SHC4: variants seen among roughly 807,000 people sequenced by gnomAD.
The protein encoded by SHC4 is SHC-transforming protein 4.
Under a neutral mutation model 69.4 loss-of-function variants are expected in SHC4, and 41 were observed. That is an observed-to-expected ratio of 0.59 (90% CI 0.46 to 0.77). The LOEUF (loss-of-function observed/expected upper bound fraction) is 0.77, where lower values mean the gene tolerates loss of function less well. Among genes scored for constraint, SHC4 ranks in the 30% least tolerant of loss-of-function variants. SHC4 has a pLI of 0.00. For missense variants in SHC4, 777 were observed against 783.8 expected (o/e 0.99, Z 0.10); for synonymous variants, 318 against 299.3 (o/e 1.06, Z -0.64).
chr15:48,957,961 A>G (rs1399534519), intron 1 of SHC4, among the ~76,000 whole-genome samples: 1 of 152,240 alleles, frequency 6.6e-6, no homozygotes, highest in Non-Finnish European at 1.5e-5. Flanking sequence ...AACTGCCAAA[A>G]GCTAGAAGAG....
intron 2 of SHC4, among the ~76,000 whole-genome samples, chr15:48,897,784 C>CACACACACACACACACACAT (rs369256772): frequency 6.6e-6 from 1 of 151,814 alleles, no homozygotes; most frequent in Non-Finnish European, 1.5e-5. Context: ...CACACACACA[C>CACACACACACACACACACAT]ATCTATAGTC....
chr15:48,885,891 C>T (rs1015472779), intron 3 of SHC4, among the ~76,000 whole-genome samples: 1 of 152,160 alleles, frequency 6.6e-6, no homozygotes, highest in Admixed American at 6.5e-5. Flanking sequence ...ATTTTGTGTT[C>T]CCACAGTGAT....
At chr15:48,956,101 A>G (rs972210213) in intron 1 of SHC4, among the ~76,000 whole-genome samples, 3 of 152,210 alleles carry the variant, frequency 2.0e-5, no homozygotes, top group African/African-American at 4.8e-5. Flanking sequence ...TCTAAGTTCC[A>G]GCAGAATCTA....
Position 48,890,778 on chromosome 15 carries a change from G to A in SHC4, c.690C>T (p.Pro230=), listed in dbSNP as rs767392783. 43 of 1,614,024 alleles carry A rather than the reference G, an allele frequency of 2.7e-5. No homozygotes were observed. The highest frequency in any genetic ancestry group is 3.6e-5 in the Non-Finnish European group (42 of 1,179,962). ...EAISRLCEAV[P]GANGAIKKRK... ...GCTTTTTAATGGCTCCATTTGCCCC[G>A]GGGACAGCTTCACACAGGCGACTTA... The change falls in exon 3 of 12, where the codon CCC becomes CCT. Residue 230 remains proline (P), a synonymous_variant. Transcript: ENST00000332408.
intron 10 of SHC4, among the ~76,000 whole-genome samples, chr15:48,838,562 TGAGA>T (rs1304266040): frequency 3.3e-5 from 5 of 152,110 alleles, no homozygotes; most frequent in Non-Finnish European, 2.9e-5. Flanking sequence ...TAAGCATAAA[TGAGA>T]GAGAGGTTCA....
intron 2 of SHC4, among the ~76,000 whole-genome samples, chr15:48,916,671 G>A (rs540504017): frequency 6.6e-6 from 1 of 152,048 alleles, no homozygotes; most frequent in South Asian, 2.1e-4. Flanking sequence ...CCGAAGCCAG[G>A]ACCTCAAAAC....
At chr15:48,876,511 A>G (rs1356201538) in intron 4 of SHC4, 1 of 582,918 alleles carries the variant, frequency 1.7e-6, no homozygotes, top group Non-Finnish European at 3.1e-6. Context: ...ATATATGTAT[A>G]TATATGTAAA....
intron 2 of SHC4, among the ~76,000 whole-genome samples, chr15:48,895,553 GCCCTTC>G (rs1444466387): frequency 2.0e-5 from 3 of 152,078 alleles, no homozygotes; most frequent in African/African-American, 7.2e-5. Context: ...GGATGCCCCT[GCCCTTC>G]CCCAGCCCTC....
At position 48,924,767 on chromosome 15, in the gene SHC4, C is replaced by T. The variant is rs755075320; in HGVS notation, c.656+112G>A. 5.5e-5 allele frequency: 61 copies of T among 1,108,024 alleles called. 1 individual carries two copies. The highest frequency in any genetic ancestry group is 5.1e-4 in the South Asian group (39 of 76,716). 68.6% of individuals were successfully genotyped at this position (1,108,024 alleles called of 1,614,324 possible). ...GGGCGAGCCTTCTACACTCCAGTCG[C>T]GTGAATAAAAGTGCATAATGAATTG... On this transcript the variant is annotated intron_variant, in intron 2 of 11. Transcript: ENST00000332408.
intron 9 of SHC4, among the ~76,000 whole-genome samples, chr15:48,849,262 T>C (rs1244300358): frequency 1.3e-5 from 2 of 152,142 alleles, no homozygotes; most frequent in Admixed American, 1.3e-4. Context: ...TATGTCCCTT[T>C]CCTACTTCCT....
chr15:48,863,774 G>A (rs1899498998), intron 6 of SHC4, among the ~76,000 whole-genome samples: 2 of 152,108 alleles, frequency 1.3e-5, no homozygotes, highest in South Asian at 2.1e-4. Context: ...TTGCTAGTGA[G>A]GCTAAACTTT....
At chr15:48,826,830 T>C (rs1898698797) in intron 11 of SHC4, among the ~76,000 whole-genome samples, 1 of 152,204 alleles carries the variant, frequency 6.6e-6, no homozygotes, top group African/African-American at 2.4e-5. Context: ...TATCTCTCTT[T>C]GGAGGCTCAG....
At chr15:48,839,055 C>G (rs1466177245) in intron 10 of SHC4, among the ~76,000 whole-genome samples, 1 of 151,760 alleles carries the variant, frequency 6.6e-6, no homozygotes, top group Non-Finnish European at 1.5e-5. Context: ...GAAAATTAAA[C>G]CAAAACTTGG....
chr15:48,952,000 G>T (rs1901373221), intron 1 of SHC4, among the ~76,000 whole-genome samples: 1 of 152,162 alleles, frequency 6.6e-6, no homozygotes, highest in Non-Finnish European at 1.5e-5. Flanking sequence ...TTGCGCTGCT[G>T]CCGATGAGCC....
intron 2 of SHC4, among the ~76,000 whole-genome samples, chr15:48,915,314 C>G (rs1382713129): frequency 6.6e-6 from 1 of 152,156 alleles, no homozygotes; most frequent in Non-Finnish European, 1.5e-5. Context: ...CTTTGTCATG[C>G]TATCAGAACC....
At chr15:48,961,485 GCCA>G (rs1382610394) in intron 1 of SHC4, among the ~76,000 whole-genome samples, 1 of 152,088 alleles carries the variant, frequency 6.6e-6, no homozygotes, top group African/African-American at 2.4e-5. Flanking sequence ...CTCCCCTGCA[GCCA>G]CCACAGTGAC....
chr15:48,846,096 T>A (rs1228392734), intron 9 of SHC4, among the ~76,000 whole-genome samples: 1 of 152,138 alleles, frequency 6.6e-6, no homozygotes, highest in Non-Finnish European at 1.5e-5. Flanking sequence ...ACTCCTAGGT[T>A]AAAGTGATCC....
intron 1 of SHC4, among the ~76,000 whole-genome samples, chr15:48,960,893 T>G (rs1234095689): frequency 6.6e-6 from 1 of 152,178 alleles, no homozygotes; most frequent in Non-Finnish European, 1.5e-5. Flanking sequence ...TTTTCACCCT[T>G]TACAACCCTC....
At chr15:48,903,224 C>A (rs923169608) in intron 2 of SHC4, among the ~76,000 whole-genome samples, 11 of 152,130 alleles carry the variant, frequency 7.2e-5, no homozygotes, top group Non-Finnish European at 8.8e-5. Flanking sequence ...ACTGAGAACA[C>A]CAGCAGGAAA....
Sources: allele counts gnomAD v4.1 joint callset (sites outside exome capture counted in the v4.1 genomes callset), GRCh38; gene constraint gnomAD v4.1.1; transcripts MANE v1.5; gene names NCBI Gene and HGNC (gene_info 2026-07-23, HGNC 2026-07-21).